Variants in TEX11 observed in about 807,000 individuals in gnomAD.
TEX11 encodes the protein testis expressed 11, also known as testis-expressed protein 11.
In TEX11, 7 loss-of-function variants were observed where a neutral mutation model predicts 84.4. That is an observed-to-expected ratio of 0.08 (90% CI 0.05 to 0.16). The LOEUF (loss-of-function observed/expected upper bound fraction) is 0.16, where lower values mean the gene tolerates loss of function less well. Among genes scored for constraint, TEX11 ranks in the 10% least tolerant of loss-of-function variants. TEX11 has a pLI of 1.00. For missense variants in TEX11, 551 were observed against 660.5 expected, an observed-to-expected ratio of 0.83 and a Z score of 1.82; for synonymous variants, 264 against 222.8, an observed-to-expected ratio of 1.18 and a Z score of -1.64.
At chrX:70,649,431 G>A (rs2089786111) in intron 17 of TEX11, among the ~76,000 whole-genome samples, 1 of 112,095 alleles carries the variant, frequency 8.9e-6, no homozygotes, top group African/African-American at 3.2e-5. Flanking sequence ...TTTTTTAAGT[G>A]GACAATTTCA....
chrX:70,713,220 G>A (rs1485782288), intron 13 of TEX11, among the ~76,000 whole-genome samples: 5 of 111,638 alleles, frequency 4.5e-5, no homozygotes, highest in Admixed American at 9.5e-5. Flanking sequence ...TTTTTGCATC[G>A]ATGTTCATCA....
At chrX:70,750,932 AAATATATATATATATATATAT>A (rs1181377184) in intron 9 of TEX11, among the ~76,000 whole-genome samples, 2 of 38,746 alleles carry the variant, frequency 5.2e-5, no homozygotes, top group Non-Finnish European at 8.4e-5. Flanking sequence ...AAAAAAAAAA[AAATATATATATATATATATAT>A]ATATATATAT....
intron 28 of TEX11, among the ~76,000 whole-genome samples, chrX:70,532,864 C>A (rs1174215119): frequency 9.1e-6 from 1 of 110,124 alleles, no homozygotes; most frequent in Non-Finnish European, 1.9e-5. Context: ...TGGTGAAATC[C>A]TGTCTCTACT....
At chrX:70,515,068 C>CACAT in the TEX11 span, among the ~76,000 whole-genome samples, 1 of 92,395 alleles carries the variant, frequency 1.1e-5, no homozygotes, top group Admixed American at 1.1e-4. Context: ...AACTCGGTCA[C>CACAT]ACACACACAC....
chrX:70,779,217 C>T (rs1181041523), intron 9 of TEX11, among the ~76,000 whole-genome samples: 7 of 109,614 alleles, frequency 6.4e-5, no homozygotes, highest in African/African-American at 2.0e-4. Flanking sequence ...GAGTTCTAGA[C>T]CAGCCTGGCC....
intron 16 of TEX11, among the ~76,000 whole-genome samples, chrX:70,662,994 T>C (rs2089944381): frequency 8.9e-6 from 1 of 111,966 alleles, no homozygotes; most frequent in Non-Finnish European, 1.9e-5. Context: ...CATTTTTGTA[T>C]GTAAATTATA....
chrX:70,545,091 G>A (rs1395567876), intron 28 of TEX11, among the ~76,000 whole-genome samples: 1 of 109,019 alleles, frequency 9.2e-6, no homozygotes, highest in African/African-American at 3.3e-5. Context: ...TATAGTCTCA[G>A]CTATTTGGGA....
At chrX:70,905,800 C>G (rs1274573320) in intron 2 of TEX11, among the ~76,000 whole-genome samples, 1 of 107,597 alleles carries the variant, frequency 9.3e-6, no homozygotes, top group Non-Finnish European at 1.9e-5. Context: ...GCCTGTAATC[C>G]TAAGACTTTG....
At position 70,684,831 on chromosome X, in the gene TEX11, ACT is replaced by A. The variant is rs770593045; in HGVS notation, c.1005-2008_1005-2007del. 3.5e-3 allele frequency among the ~76,000 whole-genome samples: 388 copies of A among 111,460 alleles called. 3 individuals are homozygous for A. The highest frequency in any genetic ancestry group is 0.012 in the African/African-American group (370 of 30,689). On this transcript the variant is annotated intron_variant, in intron 13 of 29. Transcript: ENST00000374333. ...TAAAATTTGTATGGAACCACAAAAG[ACT>A]CTGTGCCAAAGCAACCTTAAAAACA...
At chrX:70,797,306 C>T (rs1260803227) in intron 9 of TEX11, among the ~76,000 whole-genome samples, 2 of 111,508 alleles carry the variant, frequency 1.8e-5, no homozygotes, top group Non-Finnish European at 3.8e-5. Flanking sequence ...AAATCATGTC[C>T]TATGCAGCAA....
chrX:70,870,755 CACT>C (rs1284714536), intron 4 of TEX11, among the ~76,000 whole-genome samples: 15 of 111,818 alleles, frequency 1.3e-4, no homozygotes, highest in Admixed American at 8.6e-4. Flanking sequence ...CTCTCAATAC[CACT>C]GATTCTTAAA....
At chrX:70,707,969 A>T (rs2090391620) in intron 13 of TEX11, among the ~76,000 whole-genome samples, 1 of 111,145 alleles carries the variant, frequency 9.0e-6, no homozygotes, top group African/African-American at 3.3e-5. Context: ...GCATAAAAAA[A>T]ATCTATCAAA....
Position 70,734,384 on chromosome X carries a change from A to T in TEX11, c.843+6317T>A, listed in dbSNP as rs149116056. Among the ~76,000 whole-genome samples, 820 of 111,593 alleles carry T rather than the reference A, an allele frequency of 7.3e-3. 7 individuals carry two copies. Among genetic ancestry groups the T allele is most frequent in the African/African-American group, 0.026 (784 of 30,715 alleles). ...GAAACTCTGGGAGTATTGCCTAGCA[A>T]ATTGTATGTGCATGTGTGGGGGAAA... On this transcript the variant is annotated intron_variant, in intron 11 of 29. Coordinates refer to ENST00000374333, the MANE Select transcript of TEX11 (RefSeq NM_031276.3).
intron 9 of TEX11, among the ~76,000 whole-genome samples, chrX:70,765,697 A>G (rs1481074611): frequency 1.8e-5 from 2 of 111,967 alleles, no homozygotes; most frequent in African/African-American, 6.5e-5. Context: ...ATGGGGAAGA[A>G]CTGAAAGCCT....
intron 25 of TEX11, among the ~76,000 whole-genome samples, chrX:70,562,349 T>C (rs1406251980): frequency 1.8e-5 from 2 of 111,707 alleles, no homozygotes; most frequent in African/African-American, 6.5e-5. Context: ...TGGTCTTTAT[T>C]ACACAATTTT....
chrX:70,539,289 C>T (rs1402772403), intron 28 of TEX11, among the ~76,000 whole-genome samples: 3 of 108,657 alleles, frequency 2.8e-5, no homozygotes, highest in African/African-American at 1.0e-4. Context: ...CCGCCTCGGC[C>T]TCCCAAAGTG....
At chrX:70,802,423 T>C (rs2091194500) in intron 9 of TEX11, among the ~76,000 whole-genome samples, 1 of 111,506 alleles carries the variant, frequency 9.0e-6, no homozygotes, top group Non-Finnish European at 1.9e-5. Context: ...GATATGATAA[T>C]CAACTTGATC....
At chrX:70,633,894 G>A (rs1003495217) in intron 17 of TEX11, among the ~76,000 whole-genome samples, 1 of 111,564 alleles carries the variant, frequency 9.0e-6, no homozygotes, top group Non-Finnish European at 1.9e-5. Context: ...CTCCAGCCTA[G>A]GTGACAGAAC....
At chrX:70,865,035 C>A (rs2091591765) in intron 4 of TEX11, among the ~76,000 whole-genome samples, 1 of 111,172 alleles carries the variant, frequency 9.0e-6, no homozygotes, top group African/African-American at 3.3e-5. Flanking sequence ...GGATGAAATT[C>A]ACACATAACA....
Sources: allele counts gnomAD v4.1 joint callset (sites outside exome capture counted in the v4.1 genomes callset), GRCh38; gene constraint gnomAD v4.1.1; transcripts MANE v1.5; gene names NCBI Gene and HGNC (gene_info 2026-07-23, HGNC 2026-07-21).